The following TLL2 variants were observed in gnomAD, a reference collection of about 807,000 sequenced individuals.
The protein encoded by TLL2 is tolloid-like protein 2.
TLL2 carries 106 observed loss-of-function variants against 123.0 expected under a neutral mutation model. The ratio of observed to expected loss-of-function variants is 0.86; its 90% CI spans 0.74 to 1.01. The LOEUF is 1.01. Ranked by LOEUF, TLL2 falls within the 50% of genes least tolerant of loss-of-function variation. The pLI, the probability that TLL2 is intolerant of heterozygous loss-of-function variation, is 0.00. For synonymous variants in TLL2, 494 were observed against 516.8 expected, an observed-to-expected ratio of 0.96 and a Z score of 0.60; for missense variants, 1,332 against 1,336.7, an observed-to-expected ratio of 1.00 and a Z score of 0.06.
In TLL2 at chr10:96,405,290, C is replaced by G; in HGVS notation, c.1209G>C (p.Leu403=). ...FTSMDLFKSR[L]CWYDYVEVRD... is the part of the protein sequence containing the mutation. The stretch of plus-strand genomic sequence containing the variant: ...GGACCTCCACGTAATCATACCAGCA[C>G]AGTCGGCTTTTAAACAAATCCATGG... The change falls in exon 10 of 21, where the codon CTG becomes CTC. Residue 403 remains leucine, a synonymous_variant. Transcript: ENST00000357947. 6.2e-7 allele frequency: 1 copy of G among 1,614,200 alleles called. No homozygotes were observed. Among genetic ancestry groups the G allele is most frequent in the Non-Finnish European group, 8.5e-7 (1 of 1,180,022 alleles).
rs1391959036 is a variant in TLL2, at chr10:96,397,305, G to A, written c.1268-3C>T. On this transcript the variant is annotated splice_polypyrimidine_tract_variant and splice_region_variant and intron_variant, in intron 10 of 20. Coordinates refer to ENST00000357947, the MANE Select transcript of TLL2 (RefSeq NM_012465.4). ...GATCTTATCGCCACAAAACCTGCCT[G>A]GAAAGTGGAAAAAGAAGCAGTTAGG... is the stretch of plus-strand genomic sequence containing the variant. 13 of 1,609,664 alleles carry A rather than the reference G, an allele frequency of 8.1e-6. No homozygotes were observed. The highest frequency in any genetic ancestry group is 1.1e-5 in the Non-Finnish European group (13 of 1,177,644).
chr10:96,399,278 C>A (rs905906245), intron 10 of TLL2, among the ~76,000 whole-genome samples: 10 of 152,166 alleles, frequency 6.6e-5, no homozygotes, highest in African/African-American at 1.9e-4. Flanking sequence ...GAAATTATAT[C>A]TGAATATTTT....
intron 2 of TLL2, among the ~76,000 whole-genome samples, chr10:96,476,240 A>ATATATATATATATTT: frequency 9.8e-5 from 2 of 20,502 alleles, no homozygotes; most frequent in African/African-American, 1.7e-4. Context: ...ATATATATAT[A>ATATATATATATATTT]TTTTATTTTT....
chr10:96,417,746 A>C (rs533612336), intron 7 of TLL2, among the ~76,000 whole-genome samples: 2 of 152,162 alleles, frequency 1.3e-5, no homozygotes, highest in Admixed American at 6.5e-5. Flanking sequence ...GAGAGAACAG[A>C]GGGGCATGAA....
intron 18 of TLL2, chr10:96,374,511 C>T (rs1311219966): frequency 2.0e-5 from 3 of 152,326 alleles, no homozygotes; most frequent in Admixed American, 1.3e-4. Context: ...GGCTGACTCT[C>T]GCCGAGTGTT....
chr10:96,416,339 C>T (rs539001421), intron 7 of TLL2, among the ~76,000 whole-genome samples: 9 of 152,236 alleles, frequency 5.9e-5, no homozygotes, highest in Non-Finnish European at 1.2e-4. Flanking sequence ...TGTTCTTGCA[C>T]TTACTCATCA....
At position 96,373,738 on chromosome 10, in the gene TLL2, C is replaced by G. The variant is rs755013110; in HGVS notation, c.2520G>C (p.Pro840=). 6.2e-7 allele frequency: 1 copy of G among 1,614,230 alleles called. No individual in the cohort carries two copies. Among genetic ancestry groups the G allele is most frequent in the South Asian group, 1.1e-5 (1 of 91,084 alleles). ...AYDHLEMYDG[P]DSLAPILGRF... is the part of the protein sequence containing the mutation. ...GGCCCAGAATGGGGGCCAGGCTGTCCGGCCCGTCATACATTTCCAGGTGGT... is the reference window on the plus strand; with the variant it reads ...GGCCCAGAATGGGGGCCAGGCTGTCGGGCCCGTCATACATTTCCAGGTGGT... Residue 840 remains proline, a synonymous_variant, in exon 19 of 21, where the codon CCG becomes CCC. Coordinates refer to ENST00000357947, the MANE Select transcript of TLL2 (RefSeq NM_012465.4).
chr10:96,480,026 G>T (rs1350954655), intron 2 of TLL2, among the ~76,000 whole-genome samples: 1 of 152,140 alleles, frequency 6.6e-6, no homozygotes, highest in African/African-American at 2.4e-5. Context: ...AGGTGTTATG[G>T]TTTTCTGTTT....
intron 10 of TLL2, among the ~76,000 whole-genome samples, chr10:96,397,942 C>A (rs760470449): frequency 2.6e-5 from 4 of 152,148 alleles, no homozygotes; most frequent in Non-Finnish European, 5.9e-5. Flanking sequence ...AAAGAGATCC[C>A]AGGTAGGTTT....
In TLL2 at chr10:96,481,851, A is replaced by G. The variant is rs149520219; in HGVS notation, c.176-1392T>C. ...CTTAGAAAGTTGGAAGAGCTAACCTATCCTCATAACTACAGAAAAAAAGAA... is the reference window on the plus strand; with the variant it reads ...CTTAGAAAGTTGGAAGAGCTAACCTGTCCTCATAACTACAGAAAAAAAGAA... On this transcript the variant is annotated intron_variant, in intron 1 of 20. Coordinates refer to ENST00000357947, the MANE Select transcript of TLL2 (RefSeq NM_012465.4). Among the ~76,000 whole-genome samples, 517 of 152,334 alleles carry G rather than the reference A, an allele frequency of 3.4e-3. 4 individuals carry two copies. Among genetic ancestry groups the G allele is most frequent in the African/African-American group, 0.011 (437 of 41,572 alleles).
chr10:96,458,687 C>T (rs1053538051), intron 2 of TLL2, among the ~76,000 whole-genome samples: 2 of 148,626 alleles, frequency 1.3e-5, no homozygotes, highest in East Asian at 2.0e-4. Context: ...GGGAGAATTG[C>T]TTGAACCCAG....
chr10:96,420,632 C>T (rs1846610198), intron 7 of TLL2, among the ~76,000 whole-genome samples: 2 of 152,198 alleles, frequency 1.3e-5, no homozygotes, highest in Non-Finnish European at 2.9e-5. Context: ...CTACAAAAGA[C>T]TCCCCCCACC....
At chr10:96,484,325 C>A (rs538458056) in intron 1 of TLL2, among the ~76,000 whole-genome samples, 1 of 152,270 alleles carries the variant, frequency 6.6e-6, no homozygotes, top group South Asian at 2.1e-4. Context: ...ATGATATGAT[C>A]CAGGCTGAAC....
intron 2 of TLL2, among the ~76,000 whole-genome samples, chr10:96,450,190 G>T (rs761607981): frequency 1.1e-4 from 16 of 152,000 alleles, no homozygotes; most frequent in Non-Finnish European, 1.5e-4. Context: ...TGGATGGATG[G>T]ATGGATGGAT....
intron 16 of TLL2, among the ~76,000 whole-genome samples, chr10:96,382,905 G>C (rs77860022): frequency 6.6e-6 from 1 of 152,154 alleles, no homozygotes; most frequent in African/African-American, 2.4e-5. Flanking sequence ...GGAATAAGAC[G>C]AAGCCAGAGA....
At chr10:96,440,076 T>G (rs1846836226) in intron 3 of TLL2, among the ~76,000 whole-genome samples, 1 of 152,198 alleles carries the variant, frequency 6.6e-6, no homozygotes, top group African/African-American at 2.4e-5. Flanking sequence ...CTAGAATCTC[T>G]CTCCCCCTTC....
At chr10:96,422,820 T>C (rs1389613524) in intron 5 of TLL2, 93 bp from the exon 6 acceptor site, 3 of 1,440,728 alleles carry the variant, frequency 2.1e-6, no homozygotes, top group Non-Finnish European at 1.9e-6. Flanking sequence ...TGTGTGCGTG[T>C]GTGCATGTAA....
rs767664156 is a variant in TLL2 at position 96,376,647 on chromosome 10, T to A, written c.2448+45A>T. Reference sequence around the variant, plus strand: ...GCAGAGACTCAAACGCACATCTGCCTGATACTCAAGTCCACATTCTCAATA... The same window carrying A: ...GCAGAGACTCAAACGCACATCTGCCAGATACTCAAGTCCACATTCTCAATA... On this transcript the variant is annotated intron_variant, in intron 18 of 20. Transcript: ENST00000357947. 3.1e-6 allele frequency: 5 copies of A among 1,601,606 alleles called. No homozygotes were observed. In the Admixed American group the frequency reaches 6.8e-5, roughly 22 times the overall value.
At chr10:96,426,294 C>T (rs746108141) in intron 5 of TLL2, among the ~76,000 whole-genome samples, 2 of 152,112 alleles carry the variant, frequency 1.3e-5, no homozygotes, top group Non-Finnish European at 2.9e-5. Flanking sequence ...TAGGATTTTG[C>T]ATGGCTATTC....
Sources: gnomAD v4.1 joint callset for allele counts (sites outside exome capture counted in the v4.1 genomes callset) on GRCh38, gnomAD v4.1.1 for gene constraint, MANE v1.5 for transcripts, NCBI Gene and HGNC (gene_info 2026-07-23, HGNC 2026-07-21) for gene names.